Variants in RAD51B observed in about 807,000 individuals in gnomAD.
RAD51B encodes the protein RAD51 paralog B, also known as DNA repair protein RAD51 homolog 2.
In RAD51B, 38 loss-of-function variants were observed where a neutral mutation model predicts 42.2. That is an observed-to-expected ratio of 0.90 (90% confidence interval 0.70 to 1.18). The LOEUF (loss-of-function observed/expected upper bound fraction) is 1.18. RAD51B is among the 50% of genes most tolerant of loss of function. The pLI is 0.00. For missense variants in RAD51B, 373 were observed against 400.7 expected (o/e 0.93, Z 0.59); for synonymous variants, 154 against 145.2 (o/e 1.06, Z -0.43).
chr14:68,321,582 A>G (rs932732421), intron 8 of RAD51B, among the ~76,000 whole-genome samples: 1 of 152,248 alleles, frequency 6.6e-6, no homozygotes, highest in East Asian at 1.9e-4. Context: ...TTGATCCATA[A>G]TCTGCTCTTT....
At chr14:67,838,811 A>T (rs2041333254) in intron 4 of RAD51B, among the ~76,000 whole-genome samples, 1 of 152,002 alleles carries the variant, frequency 6.6e-6, no homozygotes, top group Non-Finnish European at 1.5e-5. Flanking sequence ...AAGTAAAAAA[A>T]AAAAAACCTG....
At chr14:67,984,617 C>T (rs2075151466) in intron 7 of RAD51B, among the ~76,000 whole-genome samples, 1 of 152,170 alleles carries the variant, frequency 6.6e-6, no homozygotes, top group Non-Finnish European at 1.5e-5. Context: ...GCCTTTCTCT[C>T]ATCTCTACCT....
intron 8 of RAD51B, among the ~76,000 whole-genome samples, chr14:68,376,969 C>T (rs981410946): frequency 2.6e-5 from 4 of 152,026 alleles, no homozygotes; most frequent in Non-Finnish European, 5.9e-5. Flanking sequence ...GAGAAATGTA[C>T]CCAGGGAAAT....
intron 7 of RAD51B, among the ~76,000 whole-genome samples, chr14:68,075,603 G>C (rs2076820275): frequency 6.6e-6 from 1 of 152,128 alleles, no homozygotes; most frequent in South Asian, 2.1e-4. Flanking sequence ...CAGTCTGAGA[G>C]CAGTAAGGGC....
At chr14:68,295,669 T>G (rs1325489287) in intron 8 of RAD51B, among the ~76,000 whole-genome samples, 1 of 152,106 alleles carries the variant, frequency 6.6e-6, no homozygotes, top group Non-Finnish European at 1.5e-5. Flanking sequence ...TCACTTGTAT[T>G]CCCTCCTCTG....
intron 4 of RAD51B, among the ~76,000 whole-genome samples, chr14:67,842,051 C>T (rs576679657): frequency 1.3e-5 from 2 of 152,298 alleles, no homozygotes; most frequent in African/African-American, 4.8e-5. Flanking sequence ...TTTGTATCAT[C>T]TATGATTTCT....
chr14:68,175,651 G>A (rs940340256), intron 7 of RAD51B, among the ~76,000 whole-genome samples: 1 of 152,174 alleles, frequency 6.6e-6, no homozygotes, highest in Non-Finnish European at 1.5e-5. Context: ...CCAAATTCAA[G>A]TTGAATTATG....
intron 7 of RAD51B, among the ~76,000 whole-genome samples, chr14:68,208,202 C>T (rs2079633764): frequency 6.6e-6 from 1 of 152,086 alleles, no homozygotes; most frequent in Non-Finnish European, 1.5e-5. Context: ...GGAAAAGCCT[C>T]AAATTTTATA....
intron 7 of RAD51B, among the ~76,000 whole-genome samples, chr14:68,120,268 T>C (rs1294360917): frequency 6.6e-6 from 1 of 152,158 alleles, no homozygotes; most frequent in East Asian, 1.9e-4. Flanking sequence ...ATTTTGTAGG[T>C]TGCCTGTTCA....
At chr14:68,119,178 G>C (rs943945209) in intron 7 of RAD51B, among the ~76,000 whole-genome samples, 1 of 151,396 alleles carries the variant, frequency 6.6e-6, no homozygotes, top group South Asian at 2.1e-4. Flanking sequence ...CTATAGGCAC[G>C]TGCCACCGTA....
chr14:68,342,863 G>T (rs1367844747), intron 8 of RAD51B, among the ~76,000 whole-genome samples: 2 of 152,112 alleles, frequency 1.3e-5, no homozygotes. Flanking sequence ...TGAGTACCCA[G>T]AGTTTTCTGT....
intron 7 of RAD51B, among the ~76,000 whole-genome samples, chr14:68,246,197 A>G (rs2080494897): frequency 6.6e-6 from 1 of 151,864 alleles, no homozygotes; most frequent in African/African-American, 2.4e-5. Flanking sequence ...AGAATTCAGC[A>G]CCATTCCATG....
intron 8 of RAD51B, among the ~76,000 whole-genome samples, chr14:68,350,301 T>C (rs972976119): frequency 2.6e-5 from 4 of 152,256 alleles, no homozygotes; most frequent in African/African-American, 9.6e-5. Context: ...GTTTTCAGAA[T>C]GATGGCTAAG....
At chr14:68,479,196 A>C (rs1882966131), downstream of RAD51B, among the ~76,000 whole-genome samples, 2 of 152,210 alleles carry the variant, frequency 1.3e-5, no homozygotes, top group African/African-American at 4.8e-5. Flanking sequence ...AATGTTGGTG[A>C]AAACCAAGGT....
At chr14:68,177,789 C>T (rs1392636405) in intron 7 of RAD51B, among the ~76,000 whole-genome samples, 1 of 151,992 alleles carries the variant, frequency 6.6e-6, no homozygotes, top group African/African-American at 2.4e-5. Context: ...ATTTGACTAA[C>T]GTTTTATGCT....
intron 7 of RAD51B, among the ~76,000 whole-genome samples, chr14:68,118,575 A>G (rs909073099): frequency 2.0e-5 from 3 of 152,244 alleles, no homozygotes; most frequent in African/African-American, 7.2e-5. Flanking sequence ...ATTTATGCAG[A>G]TTGCAGCAAT....
chr14:68,306,500 A>T, intron 8 of RAD51B: 2 of 302,462 alleles, frequency 6.6e-6, no homozygotes. Flanking sequence ...CTAGACATGA[A>T]TTAGAACAAG....
intron 3 of RAD51B, among the ~76,000 whole-genome samples, chr14:67,831,311 C>A (rs535832295): frequency 3.3e-5 from 5 of 152,230 alleles, no homozygotes; most frequent in African/African-American, 1.2e-4. Context: ...TTAAAGCTAT[C>A]AGAATGGATG....
chr14:67,919,575 G>A (rs2044257910), intron 7 of RAD51B, among the ~76,000 whole-genome samples: 1 of 152,116 alleles, frequency 6.6e-6, no homozygotes, highest in South Asian at 2.1e-4. Flanking sequence ...CCTTTGCCTT[G>A]TCACTTCTCT....
Sources: gnomAD v4.1 joint callset for allele counts (sites outside exome capture counted in the v4.1 genomes callset) on GRCh38, gnomAD v4.1.1 for gene constraint, MANE v1.5 for transcripts, NCBI Gene and HGNC (gene_info 2026-07-23, HGNC 2026-07-21) for gene names.